The following CHODL variants were observed in gnomAD, a reference collection of about 807,000 sequenced individuals.
The protein encoded by CHODL is transmembrane protein MT75.
In CHODL, 29 loss-of-function variants were observed where a neutral mutation model predicts 34.5. That is an observed-to-expected ratio of 0.84 (90% CI 0.63 to 1.15). The LOEUF (loss-of-function observed/expected upper bound fraction) is 1.15, where lower values mean the gene tolerates loss of function less well. Among genes scored for constraint, CHODL ranks in the 50% most tolerant of loss-of-function variants. The probability of loss-of-function intolerance (pLI) is 0.00; values close to 1 mark genes in which losing one functional copy is unlikely to be tolerated. For synonymous variants in CHODL, 125 were observed against 116.1 expected (o/e 1.08, Z -0.49); for missense variants, 332 against 332.5 (o/e 1.00, Z 0.01).
chr21:18,182,376 C>T (rs1048920078), intron 2 of CHODL, among the ~76,000 whole-genome samples: 1 of 152,168 alleles, frequency 6.6e-6, no homozygotes, highest in African/African-American at 2.4e-5. Context: ...TCTCCACTGG[C>T]ATAAAAAGTC....
At chr21:17,997,794 T>TC (rs1370658752) in intron 1 of CHODL, among the ~76,000 whole-genome samples, 1 of 151,786 alleles carries the variant, frequency 6.6e-6, no homozygotes, top group East Asian at 1.9e-4. Flanking sequence ...TTCAATTATC[T>TC]CCCCCACCCC....
intron 2 of CHODL, among the ~76,000 whole-genome samples, chr21:18,059,208 T>A (rs753134929): frequency 6.6e-6 from 1 of 152,130 alleles, no homozygotes; most frequent in African/African-American, 2.4e-5. Flanking sequence ...AGAAAGGTCA[T>A]GTGAGGACAC....
intron 1 of CHODL, among the ~76,000 whole-genome samples, chr21:17,968,056 A>G (rs2063586874): frequency 6.6e-6 from 1 of 152,224 alleles, no homozygotes; most frequent in African/African-American, 2.4e-5. Context: ...TGGTAAAGTT[A>G]AGCAGCATTC....
chr21:18,258,185 C>CTT (rs111256584), intron 3 of CHODL, among the ~76,000 whole-genome samples: 5 of 151,076 alleles, frequency 3.3e-5, no homozygotes, highest in African/African-American at 1.2e-4. Flanking sequence ...TATTAGCCAC[C>CTT]TTTTTTTTTA....
intron 2 of CHODL, among the ~76,000 whole-genome samples, chr21:18,106,429 A>T (rs1265117946): frequency 6.6e-6 from 1 of 152,112 alleles, no homozygotes; most frequent in East Asian, 1.9e-4. Context: ...CACAGCATAA[A>T]GAGCAATATA....
chr21:18,259,335 C>T (rs576274140), intron 3 of CHODL, among the ~76,000 whole-genome samples: 9 of 151,358 alleles, frequency 5.9e-5, no homozygotes, highest in Non-Finnish European at 1.3e-4. Context: ...TAGAGCAATA[C>T]GAAATCATGA....
intron 1 of CHODL, among the ~76,000 whole-genome samples, chr21:17,969,698 G>A (rs1463109972): frequency 1.3e-5 from 2 of 152,138 alleles, no homozygotes; most frequent in African/African-American, 4.8e-5. Context: ...TCTGAATCCT[G>A]GAGATACAGT....
chr21:18,222,192 A>G (rs1435674640), intron 2 of CHODL, among the ~76,000 whole-genome samples: 4 of 152,072 alleles, frequency 2.6e-5, no homozygotes, highest in South Asian at 2.1e-4. Context: ...TTAGTTATCT[A>G]TGTTCTCAGG....
In CHODL at chr21:18,109,425, T is replaced by G. The variant is rs9977032; in HGVS notation, c.-45+81454T>G. On this transcript the variant is annotated intron_variant, in intron 2 of 6. Coordinates refer to the CHODL transcript ENST00000400127. ...TTGAACAAGCAGAGAGAATGGAGAC[T>G]CTATTTTGAAGGTGATGAGCCATAG... 1.5e-3 allele frequency among the ~76,000 whole-genome samples: 224 copies of G among 151,772 alleles called. 2 individuals carry two copies. Among genetic ancestry groups the G allele is most frequent in the African/African-American group, 4.8e-3 (199 of 41,184 alleles).
intron 2 of CHODL, among the ~76,000 whole-genome samples, chr21:18,132,703 G>A (rs80061256): frequency 0.031 from 4,646 of 152,056 alleles, 142 homozygotes; most frequent in East Asian, 0.13. Flanking sequence ...CTGTATTTGC[G>A]TTCTTATCTA....
At chr21:17,971,002 T>A (rs1444154685) in intron 1 of CHODL, among the ~76,000 whole-genome samples, 3 of 152,032 alleles carry the variant, frequency 2.0e-5, no homozygotes, top group African/African-American at 7.2e-5. Context: ...TCTGTTGGTG[T>A]GTTAGTTTGC....
intron 2 of CHODL, among the ~76,000 whole-genome samples, chr21:18,160,254 AT>A (rs2073080474): frequency 6.6e-6 from 1 of 152,204 alleles, no homozygotes; most frequent in Non-Finnish European, 1.5e-5. Context: ...AGGAAGAAGA[AT>A]TTAAAAACCA....
At chr21:18,027,741 G>A (rs1218207716) in intron 1 of CHODL, 1 of 152,254 alleles carries the variant, frequency 6.6e-6, no homozygotes, top group African/African-American at 2.4e-5. Context: ...CGCATAACGT[G>A]GTGGTACTAA....
intron 1 of CHODL, among the ~76,000 whole-genome samples, chr21:18,026,687 G>T (rs953306401): frequency 6.6e-6 from 1 of 152,044 alleles, no homozygotes; most frequent in African/African-American, 2.4e-5. Flanking sequence ...TGCCAAAATT[G>T]GTTCTTTTGT....
chr21:18,209,691 G>T (rs901366594), intron 2 of CHODL, among the ~76,000 whole-genome samples: 1 of 152,066 alleles, frequency 6.6e-6, no homozygotes, highest in African/African-American at 2.4e-5. Flanking sequence ...GTACAACCTG[G>T]GTATTGCTGC....
intron 2 of CHODL, among the ~76,000 whole-genome samples, chr21:18,057,258 C>A (rs751964986): frequency 3.0e-4 from 45 of 152,032 alleles, no homozygotes; most frequent in Non-Finnish European, 5.2e-4. Flanking sequence ...AATACCATAC[C>A]CACTTTCTCA....
intron 2 of CHODL, among the ~76,000 whole-genome samples, chr21:18,049,432 T>A (rs1164111308): frequency 6.6e-6 from 1 of 152,018 alleles, no homozygotes; most frequent in African/African-American, 2.4e-5. Context: ...ATGACTCAGA[T>A]GTATAACAAT....
At chr21:18,090,958 G>T (rs970757138) in intron 2 of CHODL, among the ~76,000 whole-genome samples, 11 of 152,134 alleles carry the variant, frequency 7.2e-5, no homozygotes, top group South Asian at 2.1e-4. Flanking sequence ...GACAAAACAG[G>T]CATCTTGAAT....
intron 1 of CHODL, among the ~76,000 whole-genome samples, chr21:18,246,393 G>A (rs2074142162): frequency 6.6e-6 from 1 of 152,092 alleles, no homozygotes; most frequent in South Asian, 2.1e-4. Flanking sequence ...AAGTAATTCA[G>A]CTGTGAAGCC....
Sources: gnomAD v4.1 joint callset for allele counts (sites outside exome capture counted in the v4.1 genomes callset) on GRCh38, gnomAD v4.1.1 for gene constraint, MANE v1.5 for transcripts, NCBI Gene and HGNC (gene_info 2026-07-23, HGNC 2026-07-21) for gene names.